The following PDZD2 variants were observed in gnomAD, a reference collection of about 807,000 sequenced individuals.
The protein encoded by PDZD2 is PDZ domain containing 2, also known as PDZ domain-containing protein 2.
Under a neutral mutation model 220.7 loss-of-function variants are expected in PDZD2, and 90 were observed. That is an observed-to-expected ratio of 0.41 (90% confidence interval 0.34 to 0.49). The LOEUF (loss-of-function observed/expected upper bound fraction) is 0.49. Ranked by LOEUF, PDZD2 falls within the 20% of genes least tolerant of loss-of-function variation. The probability of loss-of-function intolerance (pLI) is 0.28; values close to 1 mark genes in which losing one functional copy is unlikely to be tolerated. For synonymous variants in PDZD2, 1,375 were observed against 1,450.5 expected (o/e 0.95, Z 1.18); for missense variants, 3,174 against 3,608.5 (o/e 0.88, Z 3.08).
chr5:31,875,771 T>A (rs1252849857), intron 2 of PDZD2, among the ~76,000 whole-genome samples: 1 of 151,360 alleles, frequency 6.6e-6, no homozygotes, highest in African/African-American at 2.4e-5. Context: ...TGGTCTTGCC[T>A]CACATATATA....
chr5:31,827,857 AAAAGAAGACACATACCTATTACAGGGATT>A (rs1313930521), intron 2 of PDZD2, among the ~76,000 whole-genome samples: 1 of 152,124 alleles, frequency 6.6e-6, no homozygotes, highest in East Asian at 1.9e-4. Flanking sequence ...TATCCTTCCA[AAAAGAAGACACATACCTATTACAGGGATT>A]CTCCATACTC....
chr5:32,039,960 T>G (rs565295549), intron 7 of PDZD2, among the ~76,000 whole-genome samples: 3 of 125,382 alleles, frequency 2.4e-5, no homozygotes, highest in African/African-American at 6.3e-5. Context: ...GAATGGGAAG[T>G]GAGGAGCGCC....
chr5:31,766,746 T>C (rs1752042271), intron 1 of PDZD2, among the ~76,000 whole-genome samples: 1 of 151,640 alleles, frequency 6.6e-6, no homozygotes, highest in Non-Finnish European at 1.5e-5. Context: ...TTTTTTTTTT[T>C]TGAGACAGAG....
At chr5:31,951,956 A>T (rs1747221782) in intron 2 of PDZD2, among the ~76,000 whole-genome samples, 1 of 152,092 alleles carries the variant, frequency 6.6e-6, no homozygotes, top group Admixed American at 6.6e-5. Context: ...TTTGTCTTAG[A>T]TTTTTGTCTA....
In PDZD2 at chr5:32,048,276, C is replaced by T. The variant is rs1738171651; in HGVS notation, c.1520-263C>T. Among the ~76,000 whole-genome samples the T allele has an allele frequency of 2.0e-5, 3 of 152,230 alleles. No homozygotes were observed. The South Asian group carries it at 6.2e-4, about 32-fold the overall frequency. ...AGAGCTACATCTTATTGGGAACACACATTTACATTGCCCCTCATCTAATCT... is the reference window on the plus strand; with the variant it reads ...AGAGCTACATCTTATTGGGAACACATATTTACATTGCCCCTCATCTAATCT... On this transcript the variant is annotated intron_variant, in intron 7 of 24. Transcript: ENST00000438447.
At chr5:31,982,369 G>C (rs375237792) in intron 2 of PDZD2, among the ~76,000 whole-genome samples, 1 of 152,194 alleles carries the variant, frequency 6.6e-6, no homozygotes, top group Non-Finnish European at 1.5e-5. Context: ...ATGCAGTGGC[G>C]TGATCTCGGT....
intron 2 of PDZD2, among the ~76,000 whole-genome samples, chr5:31,967,287 T>C (rs1748844325): frequency 1.3e-5 from 2 of 152,192 alleles, no homozygotes; most frequent in African/African-American, 2.4e-5. Flanking sequence ...AAGTGCCTTC[T>C]GAGATACATG....
chr5:32,087,258 G>A lies in PDZD2; in HGVS notation c.3810G>A (p.Ser1270=), dbSNP rs894262957. 3.5e-5 allele frequency: 56 copies of A among 1,614,006 alleles called. No individual in the cohort carries two copies. The highest frequency in any genetic ancestry group is 1.1e-4 in the African/African-American group (8 of 74,922). Residue 1270 remains serine, a synonymous_variant, in exon 20 of 25, where the codon TCG becomes TCA. Transcript: ENST00000438447. This position sits in a 1 kb window ranked among gnomAD's most constrained non-coding sequence, Gnocchi z 4.0. ...CAGAGAATCCCAGCCAGCCTGCATC[G>A]CCCAGGGTCACCAAGTGCAAGGCCA... ...SRPENPSQPA[S]PRVTKCKARS...
At chr5:32,058,674 CAAA>C (rs35570128) in intron 12 of PDZD2, among the ~76,000 whole-genome samples, 2 of 92,250 alleles carry the variant, frequency 2.2e-5, no homozygotes, top group Non-Finnish European at 2.3e-5. Flanking sequence ...AACTCCGTCT[CAAA>C]AAAAAAAAAA....
chr5:31,840,617 A>T (rs1757246508), intron 2 of PDZD2: 1 of 716,528 alleles, frequency 1.4e-6, no homozygotes, highest in East Asian at 2.6e-5. Flanking sequence ...CCTTTCTGAT[A>T]GGCTTCTTTC....
rs141157496 is a variant in PDZD2, at chr5:31,649,505, T to C, written c.-361+10068T>C. Among the ~76,000 whole-genome samples the C allele has an allele frequency of 1.1e-3, 166 of 152,124 alleles. 1 individual carries two copies. The highest frequency in any genetic ancestry group is 2.1e-3 in the Non-Finnish European group (140 of 68,014). ...CTCCTGTTTGAAATAAAATATTTGA[T>C]TTATTCATTTATTATCTGTCTTAGC... On this transcript the variant is annotated intron_variant, in intron 1 of 24. Transcript: ENST00000438447.
intron 2 of PDZD2, among the ~76,000 whole-genome samples, chr5:31,819,698 C>CAT (rs1489774815): frequency 1.3e-5 from 2 of 148,216 alleles, no homozygotes; most frequent in East Asian, 4.0e-4. Flanking sequence ...ATTTTATGTT[C>CAT]ATATGTCTGT....
intron 2 of PDZD2, among the ~76,000 whole-genome samples, chr5:31,860,148 T>C (rs1329683720): frequency 2.0e-5 from 3 of 152,154 alleles, no homozygotes; most frequent in Non-Finnish European, 4.4e-5. Flanking sequence ...TTTGGTATGA[T>C]GACTGTCTTA....
chr5:32,020,441 A>T (rs141720600), intron 6 of PDZD2, among the ~76,000 whole-genome samples: 1 of 152,344 alleles, frequency 6.6e-6, no homozygotes, highest in East Asian at 1.9e-4. Flanking sequence ...TCATTTTTGC[A>T]TCATGTATCT....
rs1057000693 is a variant in PDZD2 at position 32,109,094 on chromosome 5, T to C, written c.*959T>C. ...GAATTTTATGCACTCCAACCATGAATTTAAACTAAATTTTTAGAAATCAAG... is the reference window on the plus strand; with the variant it reads ...GAATTTTATGCACTCCAACCATGAACTTAAACTAAATTTTTAGAAATCAAG... On this transcript the variant is annotated 3_prime_UTR_variant, in exon 25 of 25. Coordinates refer to ENST00000438447, the MANE Select transcript of PDZD2 (RefSeq NM_178140.4). The C allele has an allele frequency of 2.6e-5, 4 of 152,438 alleles. No homozygotes were observed. Among genetic ancestry groups the C allele is most frequent in the Non-Finnish European group, 5.9e-5 (4 of 68,058 alleles). The allele number at this position is 152,438 out of a possible 1,614,324, so 9.4% of individuals were successfully genotyped here.
intron 6 of PDZD2, among the ~76,000 whole-genome samples, chr5:32,029,094 T>G (rs897924707): frequency 2.0e-5 from 3 of 152,116 alleles, no homozygotes; most frequent in Non-Finnish European, 4.4e-5. Flanking sequence ...AAATACAGTT[T>G]TTTCCAGCTC....
At chr5:31,913,348 A>AC (rs1743373814) in intron 2 of PDZD2, among the ~76,000 whole-genome samples, 1 of 151,752 alleles carries the variant, frequency 6.6e-6, no homozygotes, top group Non-Finnish European at 1.5e-5. Flanking sequence ...TGGGGAAAAA[A>AC]AAAAAAAGAA....
intron 1 of PDZD2, among the ~76,000 whole-genome samples, chr5:31,753,474 C>G (rs1751129442): frequency 6.6e-6 from 1 of 152,176 alleles, no homozygotes; most frequent in Non-Finnish European, 1.5e-5. Context: ...GTGGCACGCA[C>G]CTGTAGTCTC....
chr5:31,700,804 C>T (rs998512821), intron 1 of PDZD2, among the ~76,000 whole-genome samples: 1 of 152,160 alleles, frequency 6.6e-6, no homozygotes, highest in African/African-American at 2.4e-5. Context: ...ATAGGAGGGT[C>T]CCACATCCCA....
Sources: gnomAD v4.1 joint callset for allele counts (sites outside exome capture counted in the v4.1 genomes callset) on GRCh38, gnomAD v4.1.1 for gene constraint, Gnocchi (gnomAD v3.1) non-coding constraint, MANE v1.5 for transcripts, NCBI Gene and HGNC (gene_info 2026-07-23, HGNC 2026-07-21) for gene names.